The following INTS3 variants were observed in gnomAD, a reference collection of about 807,000 sequenced individuals.
INTS3 encodes integrator complex subunit 3, also known as SOSS complex subunit A.
In INTS3, 34 loss-of-function variants were observed where a neutral mutation model predicts 146.3. The observed-to-expected ratio is 0.23, with a 90% CI of 0.18 to 0.31. The LOEUF is 0.31. Ranked by LOEUF, INTS3 falls within the 10% of genes least tolerant of loss-of-function variation. The probability of loss-of-function intolerance (pLI) is 1.00; values close to 1 mark genes in which losing one functional copy is unlikely to be tolerated. For synonymous variants in INTS3, 475 were observed against 494.9 expected (o/e 0.96, Z 0.53); for missense variants, 757 against 1,304.2 (o/e 0.58, Z 6.46).
rs767754982 is a variant in INTS3 at position 153,728,385 on chromosome 1, G to C, written c.-250G>C. 1.0e-5 allele frequency: 5 copies of C among 489,146 alleles called. No individual in the cohort carries two copies. Among genetic ancestry groups the C allele is most frequent in the Non-Finnish European group, 1.8e-5 (5 of 279,732 alleles). 30.3% of individuals were successfully genotyped at this position (489,146 alleles called of 1,614,324 possible). A position where few individuals can be genotyped will look rare whatever the true frequency, so the allele number is the denominator to read the frequency against. On this transcript the variant is annotated 5_prime_UTR_variant, in exon 1 of 30. Transcript: ENST00000318967. The stretch of plus-strand genomic sequence containing the variant: ...TAGGGACACAGGCCTTTACCCCACT[G>C]TACTTCGGAGCCAACGCCTTTCCCT...
At chr1:153,752,171 C>G in intron 7 of INTS3, 108 bp from the exon 8 acceptor site, 1 of 1,113,096 alleles carries the variant, frequency 9.0e-7, no homozygotes, top group Non-Finnish European at 1.3e-6. Context: ...CTTCAACCCT[C>G]TTTCCTTCCC....
intron 6 of INTS3, 73 bp from the exon 7 acceptor site, chr1:153,751,022 C>A: frequency 6.7e-7 from 1 of 1,495,252 alleles, no homozygotes; most frequent in Non-Finnish European, 9.1e-7. Context: ...TGTAGCCAAG[C>A]CCAAGAAGCG....
At chr1:153,764,251 C>T (rs1570877134) in intron 18 of INTS3, 30 bp downstream of exon 18, 3 of 1,491,984 alleles carry the variant, frequency 2.0e-6, no homozygotes, top group Non-Finnish European at 2.8e-6. Context: ...ACTCCAGAGC[C>T]TCAGGAGCCA....
At position 153,763,837 on chromosome 1, in the gene INTS3, C is replaced by T. The variant is rs767639381; in HGVS notation, c.1772C>T (p.Thr591Met). The T allele has an allele frequency of 6.2e-6, 10 of 1,613,720 alleles. No individual in the cohort carries two copies. The Admixed American group carries it at 1.0e-4, about 16-fold the overall frequency. Reference sequence around the variant, plus strand: ...CTCTCATTTCTGTCCTGCAGTGATACGGAGGCCCAGTGTGAGGTCATGCAG... The same window carrying T: ...CTCTCATTTCTGTCCTGCAGTGATATGGAGGCCCAGTGTGAGGTCATGCAG... The part of the protein sequence containing the change: ...KVLQLQKGSD[T>M]EAQCEVMQEI... The change falls in exon 17 of 30, where the codon ACG (threonine) becomes ATG (methionine). Residue 591 changes from threonine to methionine, a missense_variant. Coordinates refer to ENST00000318967, the MANE Select transcript of INTS3 (RefSeq NM_023015.5).
Position 153,762,713 on chromosome 1 carries a change from T to G in INTS3, c.1517-15T>G. ...CAGGAGGCCATTAAATGCCTTATCT[T>G]TTTTTACTCCCAAGTCAAAATTGAG... On this transcript the variant is annotated splice_polypyrimidine_tract_variant and intron_variant, in intron 14 of 29. Coordinates refer to ENST00000318967, the MANE Select transcript of INTS3 (RefSeq NM_023015.5). The G allele has an allele frequency of 6.2e-7, 1 of 1,614,100 alleles. No individual in the cohort carries two copies. The highest frequency in any genetic ancestry group is 1.7e-5 in the Admixed American group (1 of 60,000).
intron 3 of INTS3, among the ~76,000 whole-genome samples, chr1:153,746,487 G>A (rs980235943): frequency 5.9e-5 from 9 of 152,044 alleles, no homozygotes; most frequent in African/African-American, 1.7e-4. Context: ...TGCAAACTCC[G>A]CCTCCCGGGC....
chr1:153,733,776 T>C (rs1363878215), intron 1 of INTS3, among the ~76,000 whole-genome samples: 1 of 151,886 alleles, frequency 6.6e-6, no homozygotes, highest in Non-Finnish European at 1.5e-5. Flanking sequence ...GGCTGATTCT[T>C]GTATTTTTAG....
intron 3 of INTS3, among the ~76,000 whole-genome samples, chr1:153,742,767 C>T (rs996176953): frequency 6.6e-6 from 1 of 152,220 alleles, no homozygotes; most frequent in Non-Finnish European, 1.5e-5. Flanking sequence ...ATTTGGCCAT[C>T]CAGACACAGC....
At chr1:153,767,923 ATCCCCACTAACC>A in intron 21 of INTS3, 96 bp downstream of exon 21, 1 of 1,298,222 alleles carries the variant, frequency 7.7e-7, no homozygotes, top group East Asian at 2.8e-5. Context: ...TCTTTTGTTC[ATCCCCACTAACC>A]TAGGTGGGCC....
At chr1:153,753,655 CTT>C (rs1156512014) in intron 8 of INTS3, 2,710 of 133,896 alleles carry the variant, frequency 0.02, 72 homozygotes, top group African/African-American at 0.063. Flanking sequence ...AGGCAGGTCT[CTT>C]TTTTTTTTTT....
chr1:153,768,786 C>T, intron 21 of INTS3, 107 bp from the exon 22 acceptor site: 1 of 836,032 alleles, frequency 1.2e-6, no homozygotes, highest in Non-Finnish European at 2.0e-6. Context: ...GGGCCTGTGT[C>T]TGGCTGACCC....
chr1:153,761,014 T>C, intron 13 of INTS3, 96 bp downstream of exon 13: 2 of 1,557,678 alleles, frequency 1.3e-6, no homozygotes, highest in Non-Finnish European at 1.7e-6. Context: ...CCCTTTTCTC[T>C]GACAGGTGTA....
At chr1:153,766,278 C>T (rs1480279627) in intron 20 of INTS3, among the ~76,000 whole-genome samples, 4 of 151,466 alleles carry the variant, frequency 2.6e-5, no homozygotes, top group African/African-American at 7.3e-5. Flanking sequence ...CAGATCTTCA[C>T]GCCCAGCTAA....
Position 153,740,701 on chromosome 1 carries a change from G to A in INTS3, c.201G>A (p.Ser67=), listed in dbSNP as rs763496727. The A allele has an allele frequency of 2.0e-5, 32 of 1,613,836 alleles. No individual in the cohort carries two copies. In the African/African-American group the frequency reaches 2.7e-4, roughly 13 times the overall value. Residue 67 remains serine (S), a synonymous_variant, in exon 2 of 30, where the codon TCG becomes TCA. Transcript: ENST00000318967. Reference sequence around the variant, plus strand: ...TGACATCGATGACTGCTGGTGTCTCGGAGAGAGAAGCCAATGATGCCCTCA... The same window carrying A: ...TGACATCGATGACTGCTGGTGTCTCAGAGAGAGAAGCCAATGATGCCCTCA... ...SIVTSMTAGV[S]EREANDALNA...
chr1:153,740,153 G>T (rs1671472105), intron 1 of INTS3, among the ~76,000 whole-genome samples: 1 of 151,850 alleles, frequency 6.6e-6, no homozygotes, highest in African/African-American at 2.4e-5. Context: ...AGGCTGGAGT[G>T]CAATGGCGCG....
intron 20 of INTS3, 140 bp from the exon 21 acceptor site, chr1:153,767,534 C>A: frequency 1.4e-6 from 1 of 725,456 alleles, no homozygotes; most frequent in Non-Finnish European, 2.1e-6. Flanking sequence ...CTGTGGGAGG[C>A]AGTTGGGAGG....
At chr1:153,752,559 A>G (rs1671998525) in intron 8 of INTS3, 151 bp downstream of exon 8, 2 of 746,286 alleles carry the variant, frequency 2.7e-6, no homozygotes, top group Non-Finnish European at 2.2e-6. Flanking sequence ...GCCAAGTACA[A>G]CTGCGAATGG....
At position 153,770,716 on chromosome 1, in the gene INTS3, T is replaced by C; in HGVS notation, c.2535T>C (p.Leu845=). 1 of 1,613,872 alleles carries C rather than the reference T, an allele frequency of 6.2e-7. No individual in the cohort carries two copies. Among genetic ancestry groups the C allele is most frequent in the Admixed American group, 1.7e-5 (1 of 60,020 alleles). ...CAGAGGCCCTGTCCTGCCTACTGCT[T>C]CAACTCCGAAGAGAAAAGTGAGTTC... ...EHPEALSCLL[L]QLRREKPSEE... The change falls in exon 25 of 30, where the codon CTT becomes CTC. Residue 845 remains leucine, a synonymous_variant. Transcript: ENST00000318967.
At chr1:153,764,576 A>C in intron 18 of INTS3, 114 bp from the exon 19 acceptor site, 1 of 820,528 alleles carries the variant, frequency 1.2e-6, no homozygotes, top group East Asian at 2.4e-5. Context: ...AGCAGCAGGA[A>C]GTTTGCCTTT....
Sources: gnomAD v4.1 joint callset for allele counts (sites outside exome capture counted in the v4.1 genomes callset) on GRCh38, gnomAD v4.1.1 for gene constraint, MANE v1.5 for transcripts, NCBI Gene and HGNC (gene_info 2026-07-23, HGNC 2026-07-21) for gene names.